Variants in LMX1A observed in about 807,000 individuals in gnomAD.
LMX1A encodes the protein LIM homeobox transcription factor 1 alpha.
In LMX1A, 15 loss-of-function variants were observed where a neutral mutation model predicts 49.1. That is an observed-to-expected ratio of 0.31 (90% CI 0.20 to 0.47). The LOEUF is 0.47. Among genes scored for constraint, LMX1A ranks in the 20% least tolerant of loss-of-function variants. LMX1A has a pLI of 1.00. For missense variants in LMX1A, 372 were observed against 475.8 expected (o/e 0.78, Z 2.03); for synonymous variants, 167 against 185.7 (o/e 0.90, Z 0.82).
intron 3 of LMX1A, among the ~76,000 whole-genome samples, chr1:165,351,371 T>G (rs1656422002): frequency 6.6e-6 from 1 of 152,218 alleles, no homozygotes; most frequent in Non-Finnish European, 1.5e-5. Context: ...AGCCAGAAGC[T>G]TTATTCAAAG....
At chr1:165,290,441 CGTGTGTGTGT>C (rs34305063) in intron 3 of LMX1A, among the ~76,000 whole-genome samples, 3 of 149,872 alleles carry the variant, frequency 2.0e-5, no homozygotes, top group African/African-American at 4.9e-5. Flanking sequence ...ACATTGCCTT[CGTGTGTGTGT>C]GTGTGTGTGT....
At chr1:165,215,962 C>T (rs1038659047) in intron 4 of LMX1A, 1 of 152,148 alleles carries the variant, frequency 6.6e-6, no homozygotes, top group Non-Finnish European at 1.5e-5. Flanking sequence ...GGCACTCAGG[C>T]GGCTCTTAAT....
chr1:165,327,315 T>C (rs1655617789), intron 3 of LMX1A, among the ~76,000 whole-genome samples: 1 of 152,114 alleles, frequency 6.6e-6, no homozygotes, highest in Non-Finnish European at 1.5e-5. Context: ...AACTCTACCT[T>C]TGCAATACAA....
intron 4 of LMX1A, among the ~76,000 whole-genome samples, chr1:165,232,877 T>C (rs1055931709): frequency 4.6e-5 from 7 of 152,184 alleles, no homozygotes; most frequent in African/African-American, 1.7e-4. Context: ...CCCAACCATA[T>C]GAAAAGGGCA....
chr1:165,328,599 G>A (rs1183760547), intron 3 of LMX1A, among the ~76,000 whole-genome samples: 1 of 152,202 alleles, frequency 6.6e-6, no homozygotes, highest in Non-Finnish European at 1.5e-5. Context: ...GCATGAGTGA[G>A]ACTCAGGGAG....
rs777888352 is a variant in LMX1A at position 165,355,518 on chromosome 1, C to A, written c.42G>T (p.Ala14=). 15 of 1,613,894 alleles carry A rather than the reference C, an allele frequency of 9.3e-6. No individual in the cohort carries two copies. In the African/African-American group the frequency reaches 1.6e-4, roughly 17 times the overall value. ...GLKMEENFQS[A]IDTSASFSSL... ...AGGAGAAGGAGGCCGAGGTGTCGAT[C>A]GCGCTTTGGAAGTTCTCCTCCATCT... Residue 14 remains alanine (A), a synonymous_variant, in exon 2 of 9, where the codon GCG becomes GCT. Coordinates refer to ENST00000342310, the MANE Select transcript of LMX1A (RefSeq NM_177398.4). The surrounding 1 kb of genome is among the most constrained non-coding windows in gnomAD (Gnocchi z 4.7).
At chr1:165,290,257 G>A (rs1022806061) in intron 3 of LMX1A, among the ~76,000 whole-genome samples, 1 of 152,218 alleles carries the variant, frequency 6.6e-6, no homozygotes, top group Admixed American at 6.5e-5. Context: ...CGGTTCTAGA[G>A]ACCAGAAGTT....
chr1:165,288,356 T>A (rs991481507), intron 3 of LMX1A, among the ~76,000 whole-genome samples: 1 of 152,106 alleles, frequency 6.6e-6, no homozygotes, highest in Non-Finnish European at 1.5e-5. Context: ...GAGGCAGGAA[T>A]GTTTCTGTGA....
rs1651608125 is a variant in LMX1A at position 165,215,420 on chromosome 1, T to C, written c.497-1607A>G. ...TCTCACAGAGCTCAACTGCCCTCTTTTCTCTGGTGAACATCTTTGCCTCAA... is the reference window on the plus strand; with the variant it reads ...TCTCACAGAGCTCAACTGCCCTCTTCTCTCTGGTGAACATCTTTGCCTCAA... On this transcript the variant is annotated intron_variant, in intron 4 of 8. Coordinates refer to ENST00000342310, the MANE Select transcript of LMX1A (RefSeq NM_177398.4). Among the ~76,000 whole-genome samples the C allele has an allele frequency of 2.6e-5, 4 of 152,310 alleles. No homozygotes were observed. The South Asian group carries it at 8.3e-4, about 32-fold the overall frequency.
chr1:165,250,371 G>A (rs1478842973), intron 3 of LMX1A, among the ~76,000 whole-genome samples: 3 of 152,174 alleles, frequency 2.0e-5, no homozygotes, highest in Non-Finnish European at 4.4e-5. Context: ...ATCCCTGGGG[G>A]AGCTTATTAT....
intron 3 of LMX1A, among the ~76,000 whole-genome samples, chr1:165,305,956 C>T (rs1462005128): frequency 6.6e-6 from 1 of 152,096 alleles, no homozygotes; most frequent in Non-Finnish European, 1.5e-5. Flanking sequence ...CATAGGAGCC[C>T]GGACCACAGG....
intron 4 of LMX1A, chr1:165,218,984 A>G (rs1175727387): frequency 2.0e-5 from 3 of 152,244 alleles, no homozygotes; most frequent in African/African-American, 7.2e-5. Context: ...GGGGAAGTCC[A>G]GAGATTAAGT....
At chr1:165,304,917 C>T (rs1654880112) in intron 3 of LMX1A, among the ~76,000 whole-genome samples, 1 of 152,340 alleles carries the variant, frequency 6.6e-6, no homozygotes, top group African/African-American at 2.4e-5. Context: ...CATGCACCTT[C>T]CCCCACCACC....
At chr1:165,347,600 A>T (rs1039656205) in intron 3 of LMX1A, among the ~76,000 whole-genome samples, 3 of 152,272 alleles carry the variant, frequency 2.0e-5, no homozygotes, top group African/African-American at 4.8e-5. Context: ...AGTAGAGCTA[A>T]GGTTTCAGAG....
At chr1:165,223,042 A>AT (rs1350269716) in intron 4 of LMX1A, among the ~76,000 whole-genome samples, 7 of 150,712 alleles carry the variant, frequency 4.6e-5, no homozygotes, top group Non-Finnish European at 8.9e-5. Flanking sequence ...TGGGGGAGTG[A>AT]TAAAAAATGC....
intron 4 of LMX1A, among the ~76,000 whole-genome samples, chr1:165,222,540 A>G (rs1651887783): frequency 6.6e-6 from 1 of 152,236 alleles, no homozygotes; most frequent in African/African-American, 2.4e-5. Flanking sequence ...TGGAAGACAA[A>G]GGGTTAATTA....
chr1:165,314,757 T>C (rs1209403943), intron 3 of LMX1A, among the ~76,000 whole-genome samples: 3 of 152,156 alleles, frequency 2.0e-5, no homozygotes, highest in African/African-American at 7.2e-5. Flanking sequence ...TAAGCAAAAC[T>C]AGCAGTTTCT....
rs1650889903 is a variant in LMX1A, at chr1:165,202,521, A to T, written c.*1359T>A. The T allele has an allele frequency of 6.6e-6, 1 of 151,718 alleles. No homozygotes were observed. The allele number at this position is 151,718 out of a possible 1,614,324, so 9.4% of individuals were successfully genotyped here. On this transcript the variant is annotated 3_prime_UTR_variant, in exon 9 of 9. Coordinates refer to ENST00000342310, the MANE Select transcript of LMX1A (RefSeq NM_177398.4). The stretch of plus-strand genomic sequence containing the variant: ...GGGCCAGACAATACAGATAGCAAAT[A>T]TTTCAGGCTTTCCAGGCCACAGACA...
Position 165,353,222 on chromosome 1 carries a change from C to T in LMX1A, c.117G>A (p.Gln39=), listed in dbSNP as rs1339506408. Residue 39 remains glutamine (Q), a synonymous_variant, in exon 3 of 9, where the codon CAG becomes CAA. Coordinates refer to ENST00000342310, the MANE Select transcript of LMX1A (RefSeq NM_177398.4). ...GCAGAAACCTGTCCAAGATGACCCG[C>T]TGACAGCCCTCGCAGACAGACTTGG... ...VSPKSVCEGC[Q]RVILDRFLLR... 11 of 1,613,806 alleles carry T rather than the reference C, an allele frequency of 6.8e-6. No individual in the cohort carries two copies. The highest frequency in any genetic ancestry group is 9.3e-6 in the Non-Finnish European group (11 of 1,180,018).
Sources: allele counts gnomAD v4.1 joint callset (sites outside exome capture counted in the v4.1 genomes callset), GRCh38; gene constraint gnomAD v4.1.1; non-coding constraint Gnocchi (gnomAD v3.1); transcripts MANE v1.5; gene names NCBI Gene and HGNC (gene_info 2026-07-23, HGNC 2026-07-21).